SRP72: variants seen among roughly 807,000 people sequenced by gnomAD.
SRP72 encodes signal recognition particle 72.
A neutral mutation model predicts 96.3 loss-of-function variants in SRP72; 49 were observed. The observed-to-expected ratio is 0.51, with a 90% CI of 0.40 to 0.65. The LOEUF is 0.65. Among genes scored for constraint, SRP72 ranks in the 30% least tolerant of loss-of-function variants. The probability of loss-of-function intolerance (pLI) is 0.00; values close to 1 mark genes in which losing one functional copy is unlikely to be tolerated. For synonymous variants in SRP72, 267 were observed against 275.2 expected (o/e 0.97, Z 0.30); for missense variants, 736 against 793.3 (o/e 0.93, Z 0.87).
At chr4:56,498,148 T>C (rs6811821) in intron 17 of SRP72, among the ~76,000 whole-genome samples, 61,424 of 151,946 alleles carry the variant, frequency 0.4, 13,598 homozygotes, top group East Asian at 0.66. Flanking sequence ...TCTGTGAAGT[T>C]TTTTTCTTTA....
intron 1 of SRP72, among the ~76,000 whole-genome samples, chr4:56,468,210 C>T (rs1719825207): frequency 1.3e-5 from 2 of 152,104 alleles, no homozygotes; most frequent in Non-Finnish European, 2.9e-5. Context: ...AGTTTAGAGG[C>T]TGGTGCTAAC....
intron 8 of SRP72, among the ~76,000 whole-genome samples, chr4:56,482,902 G>A (rs747246041): frequency 1.3e-5 from 2 of 152,186 alleles, no homozygotes; most frequent in Non-Finnish European, 2.9e-5. Flanking sequence ...AGGAGTGGGG[G>A]TAGATTCTGG....
intron 10 of SRP72, among the ~76,000 whole-genome samples, chr4:56,485,908 A>C (rs924388379): frequency 2.1e-4 from 32 of 152,168 alleles, no homozygotes; most frequent in African/African-American, 7.7e-4. Flanking sequence ...AACTATACAC[A>C]TAGGATTTAC....
At chr4:56,484,026 ATT>A (rs539665243) in intron 9 of SRP72, among the ~76,000 whole-genome samples, 3 of 86,612 alleles carry the variant, frequency 3.5e-5, no homozygotes, top group African/African-American at 1.0e-4. Flanking sequence ...AGAAGCAGTA[ATT>A]TTTTTTTTTT....
chr4:56,493,908 C>A (rs1720991457), intron 16 of SRP72, among the ~76,000 whole-genome samples: 2 of 152,066 alleles, frequency 1.3e-5, no homozygotes, highest in Non-Finnish European at 2.9e-5. Flanking sequence ...TATATTTAAA[C>A]AGTAATTGCA....
rs1228385231 is a variant in SRP72, at chr4:56,478,427, C to T, written c.691C>T (p.Gln231Ter). ...PQAELAIIHG[Q>*]MAYILQLQGR... The stretch of plus-strand genomic sequence containing the variant: ...GGCAGAACTGGCCATCATTCATGGT[C>T]AGATGGCTTATATTCTGCAGCTTCA... The change falls in exon 7 of 19, where the codon CAG (glutamine) becomes TAG (stop). Residue 231 changes from glutamine to a stop codon, truncating the protein, a stop_gained. Transcript: ENST00000642900. LOFTEE classifies it high-confidence loss of function. The T allele has an allele frequency of 2.5e-6, 4 of 1,613,196 alleles. No individual in the cohort carries two copies. The highest frequency in any genetic ancestry group is 2.5e-6 in the Non-Finnish European group (3 of 1,179,918).
At chr4:56,468,479 A>G (rs1006961227) in intron 1 of SRP72, among the ~76,000 whole-genome samples, 2 of 150,922 alleles carry the variant, frequency 1.3e-5, no homozygotes, top group African/African-American at 4.9e-5. Flanking sequence ...CATACCTGGA[A>G]TATGGCCATG....
chr4:56,488,401 A>G (rs538974629), intron 12 of SRP72, among the ~76,000 whole-genome samples: 65 of 152,320 alleles, frequency 4.3e-4, no homozygotes, highest in African/African-American at 1.5e-3. Flanking sequence ...TCAATCATTA[A>G]TACAGCTGTG....
intron 5 of SRP72, chr4:56,475,807 AT>A (rs1720195660): frequency 6.6e-6 from 1 of 152,144 alleles, no homozygotes; most frequent in East Asian, 1.9e-4. Context: ...TGATCCAATA[AT>A]TTCACTTCTA....
At position 56,497,637 on chromosome 4, in the gene SRP72, C is replaced by A. The variant is rs1398756616; in HGVS notation, c.1678+2243C>A. 5.9e-5 allele frequency among the ~76,000 whole-genome samples: 9 copies of A among 151,846 alleles called. No homozygotes were observed. The East Asian group carries it at 1.7e-3, about 29-fold the overall frequency. Reference sequence around the variant, plus strand: ...CCATCTTAAAGAATATCAGCCCACCCATACCTTGCCCTATCCATCTTTAAA... The same window carrying A: ...CCATCTTAAAGAATATCAGCCCACCAATACCTTGCCCTATCCATCTTTAAA... On this transcript the variant is annotated intron_variant, in intron 17 of 18. Coordinates refer to ENST00000642900, the MANE Select transcript of SRP72 (RefSeq NM_006947.4).
At chr4:56,485,425 A>G (rs1416248181) in intron 10 of SRP72, among the ~76,000 whole-genome samples, 2 of 148,966 alleles carry the variant, frequency 1.3e-5, no homozygotes. Context: ...AAAAAAATCT[A>G]TTTAGTAATC....
At position 56,469,212 on chromosome 4, in the gene SRP72, G is replaced by A. The variant is rs116660516; in HGVS notation, c.110-441G>A. 7.2e-3 allele frequency among the ~76,000 whole-genome samples: 1,100 copies of A among 152,246 alleles called. 18 individuals are homozygous for A. Among genetic ancestry groups the A allele is most frequent in the African/African-American group, 0.025 (1,044 of 41,540 alleles). On this transcript the variant is annotated intron_variant, in intron 1 of 18. Transcript: ENST00000642900. ...CTGAGATTTGGCTGTTAAGTGATAT[G>A]CCCAATACCTCAAAGCATTTAGTGG...
At chr4:56,484,715 T>TG in intron 9 of SRP72, 21 bp from the exon 10 acceptor site, 1 of 1,611,848 alleles carries the variant, frequency 6.2e-7, no homozygotes, top group Non-Finnish European at 8.5e-7. Flanking sequence ...ATTTTTCTTG[T>TG]GGGGGTTGGA....
chr4:56,468,749 T>G lies in SRP72; in HGVS notation c.110-904T>G, dbSNP rs1264393126. On this transcript the variant is annotated intron_variant, in intron 1 of 18. Coordinates refer to ENST00000642900, the MANE Select transcript of SRP72 (RefSeq NM_006947.4). Reference sequence around the variant, plus strand: ...GAGGAAAATAGCTACGAATTAGAATTATTTGATCCCTAAATTTGTTTGAAT... The same window carrying G: ...GAGGAAAATAGCTACGAATTAGAATGATTTGATCCCTAAATTTGTTTGAAT... Among the ~76,000 whole-genome samples the G allele has an allele frequency of 5.3e-5, 8 of 152,232 alleles. No individual in the cohort carries two copies. In the East Asian group the frequency reaches 1.5e-3, roughly 29 times the overall value.
chr4:56,500,485 A>G (rs372398234), intron 17 of SRP72, 51 bp from the exon 18 acceptor site: 214 of 1,564,324 alleles, frequency 1.4e-4, no homozygotes, highest in Non-Finnish European at 1.7e-4. Flanking sequence ...TAAACAAACT[A>G]TCTTGAAAAT....
chr4:56,479,286 T>G (rs1720375198), intron 8 of SRP72, among the ~76,000 whole-genome samples: 1 of 152,004 alleles, frequency 6.6e-6, no homozygotes, highest in Non-Finnish European at 1.5e-5. Context: ...TTCACGCCAT[T>G]CTCCTGCCTC....
intron 17 of SRP72, among the ~76,000 whole-genome samples, chr4:56,499,288 C>T (rs1419738655): frequency 6.6e-6 from 1 of 152,098 alleles, no homozygotes; most frequent in East Asian, 1.9e-4. Context: ...AGAAGAAAAC[C>T]TAGGCAATAC....
In SRP72 at chr4:56,478,152, T is replaced by C. The variant is rs191010933; in HGVS notation, c.643-227T>C. Reference sequence around the variant, plus strand: ...TGTTCTTCTAGGATCTTTTTGCCTTTTCTTTTTTTTTTTTTTTTCTTTAGA... The same window carrying C: ...TGTTCTTCTAGGATCTTTTTGCCTTCTCTTTTTTTTTTTTTTTTCTTTAGA... On this transcript the variant is annotated intron_variant, in intron 6 of 18. Transcript: ENST00000642900. 4.4e-3 allele frequency among the ~76,000 whole-genome samples: 656 copies of C among 148,144 alleles called. 7 individuals carry two copies. The highest frequency in any genetic ancestry group is 0.016 in the African/African-American group (630 of 40,016).
In SRP72 at chr4:56,469,709, A is replaced by T; in HGVS notation, c.166A>T (p.Ile56Phe). 1 of 1,613,014 alleles carries T rather than the reference A, an allele frequency of 6.2e-7. No individual in the cohort carries two copies. The highest frequency in any genetic ancestry group is 8.5e-7 in the Non-Finnish European group (1 of 1,179,214). The change falls in exon 2 of 19, where the codon ATC becomes TTC. Residue 56 changes from isoleucine to phenylalanine, a missense_variant. Physicochemically the swap from Ile to Phe is conservative, Grantham distance 21. Around this residue, in one of 3 missense-constraint regions of SRP72, gnomAD observed 329 missense variants for 319.0 expected, o/e 1.03. Coordinates refer to ENST00000642900, the MANE Select transcript of SRP72 (RefSeq NM_006947.4). ...TALHCKVVCL[I>F]QNGSFKEALN... is the part of the protein sequence containing the mutation. ...CCTGCATTGTAAAGTGGTATGCCTT[A>T]TCCAGAATGGAAGTTTCAAGGAAGC...
Sources: allele counts gnomAD v4.1 joint callset (sites outside exome capture counted in the v4.1 genomes callset), GRCh38; gene constraint gnomAD v4.1.1; regional missense constraint gnomAD v4.1.1; transcripts MANE v1.5; gene names NCBI Gene and HGNC (gene_info 2026-07-23, HGNC 2026-07-21).